The following GON4L variants were observed in gnomAD, a reference collection of about 807,000 sequenced individuals.
GON4L encodes the protein GON-4-like protein.
GON4L carries 87 observed loss-of-function variants against 211.8 expected under a neutral mutation model. That is an observed-to-expected ratio of 0.41 (90% CI 0.35 to 0.49). The LOEUF (loss-of-function observed/expected upper bound fraction) is 0.49. Ranked by LOEUF, GON4L falls within the 20% of genes least tolerant of loss-of-function variation. GON4L has a pLI of 0.15. For synonymous variants in GON4L, 875 were observed against 962.6 expected (o/e 0.91, Z 1.68); for missense variants, 2,155 against 2,659.5 (o/e 0.81, Z 4.17).
At chr1:155,848,646 G>A (rs1671473693) in intron 2 of GON4L, among the ~76,000 whole-genome samples, 1 of 152,074 alleles carries the variant, frequency 6.6e-6, no homozygotes, top group South Asian at 2.1e-4. Flanking sequence ...ATATATTTAT[G>A]GTTGTTTTCC....
rs561590658 is a variant in GON4L, at chr1:155,766,396, G to A, written c.3077C>T (p.Thr1026Ile). Residue 1026 changes from threonine (T) to isoleucine (I), a missense_variant, in exon 21 of 32, where the codon ACT (threonine) becomes ATT (isoleucine). This residue lies in a region of GON4L where 615 missense variants were observed against 625.7 expected (regional missense o/e 0.98). Transcript: ENST00000368331. Reference protein sequence around the residue: ...FNPGKTPARSTHSEAPPSKMV... With the variant: ...FNPGKTPARSIHSEAPPSKMV... Reference sequence around the variant, plus strand: ...TTTGCTCGGAGGGGCTTCTGAATGAGTTGATCGGGCTGGTGTTTTCCCAGG... The same window carrying A: ...TTTGCTCGGAGGGGCTTCTGAATGAATTGATCGGGCTGGTGTTTTCCCAGG... 12 of 1,614,196 alleles carry A rather than the reference G, an allele frequency of 7.4e-6. No individual in the cohort carries two copies. In the East Asian group the frequency reaches 1.8e-4, roughly 24 times the overall value.
chr1:155,790,936 CCTT>C (rs1217618152), intron 12 of GON4L, among the ~76,000 whole-genome samples: 1 of 149,760 alleles, frequency 6.7e-6, no homozygotes, highest in African/African-American at 2.5e-5. Context: ...GAGCGAGACT[CCTT>C]CTCAAAAAAA....
At position 155,822,168 on chromosome 1, in the gene GON4L, G is replaced by A. The variant is rs951237339; in HGVS notation, c.888+118C>T. ...GTAAAAATGTAAAATGTTCTGTCAC[G>A]GGTAACCCACAAAATCGGTAATTCA... On this transcript the variant is annotated intron_variant, in intron 4 of 31. Coordinates refer to ENST00000368331, the MANE Select transcript of GON4L (RefSeq NM_001282860.2). 17 of 848,178 alleles carry A rather than the reference G, an allele frequency of 2.0e-5. 1 individual carries two copies. The highest frequency in any genetic ancestry group is 3.3e-5 in the African/African-American group (2 of 60,376). 52.5% of individuals were successfully genotyped at this position (848,178 alleles called of 1,614,324 possible).
chr1:155,763,559 T>G lies in GON4L; in HGVS notation c.4479A>C (p.Thr1493=). ...ATGCCAGCCAAGTCAGTTTCTCCAT[T>G]GTTTCCTGTAAAACCCTCCAAAGAG... The part of the protein sequence containing the change: ...SVLSVPELQE[T]MEKLTWLASE... Residue 1493 remains threonine, a synonymous_variant, in exon 22 of 32, where the codon ACA becomes ACC. Coordinates refer to ENST00000368331, the MANE Select transcript of GON4L (RefSeq NM_001282860.2). 6.5e-7 allele frequency: 1 copy of G among 1,544,456 alleles called. No homozygotes were observed. Among genetic ancestry groups the G allele is most frequent in the South Asian group, 1.2e-5 (1 of 83,910 alleles).
chr1:155,817,061 C>A (rs1226675325), intron 6 of GON4L, among the ~76,000 whole-genome samples: 1 of 152,134 alleles, frequency 6.6e-6, no homozygotes, highest in Non-Finnish European at 1.5e-5. Flanking sequence ...ACAATCAGAG[C>A]TCACTGCAGC....
intron 2 of GON4L, among the ~76,000 whole-genome samples, chr1:155,831,115 G>A (rs1669719661): frequency 6.6e-6 from 1 of 152,020 alleles, no homozygotes; most frequent in Non-Finnish European, 1.5e-5. Context: ...CCTGGTTAAT[G>A]TGGTGAAACG....
chr1:155,797,462 T>C (rs1666180235), intron 11 of GON4L, among the ~76,000 whole-genome samples: 1 of 151,950 alleles, frequency 6.6e-6, no homozygotes, highest in African/African-American at 2.4e-5. Context: ...AGCATCTTTT[T>C]TTTTTTTCGA....
intron 14 of GON4L, among the ~76,000 whole-genome samples, chr1:155,781,229 G>A (rs930408222): frequency 1.3e-5 from 2 of 151,506 alleles, no homozygotes; most frequent in Admixed American, 6.6e-5. Context: ...TGCAACCTCT[G>A]CCTCCCAGGT....
At chr1:155,816,001 T>C (rs1668206440) in intron 7 of GON4L, 101 bp from the exon 8 acceptor site, 1 of 774,704 alleles carries the variant, frequency 1.3e-6, no homozygotes, top group Non-Finnish European at 2.3e-6. Context: ...AAAAAAATCC[T>C]AAGAGCATAA....
In GON4L at chr1:155,768,887, T is replaced by C. The variant is rs117172837; in HGVS notation, c.2647-1346A>G. Among the ~76,000 whole-genome samples, 6 of 152,366 alleles carry C rather than the reference T, an allele frequency of 3.9e-5. No individual in the cohort carries two copies. The East Asian group carries it at 1.2e-3, about 29-fold the overall frequency. On this transcript the variant is annotated intron_variant, in intron 19 of 31. Coordinates refer to ENST00000368331, the MANE Select transcript of GON4L (RefSeq NM_001282860.2). ...TCATCCGTGGTGCTAAGGCACTTGA[T>C]AAACCGTATTCTGCTGCAGAAAAAT... is the stretch of plus-strand genomic sequence containing the variant.
chr1:155,819,900 A>G (rs1256504526), intron 6 of GON4L, among the ~76,000 whole-genome samples: 1 of 152,006 alleles, frequency 6.6e-6, no homozygotes, highest in Non-Finnish European at 1.5e-5. Flanking sequence ...TGGGCTCAAA[A>G]GTATGGAGAT....
rs530819213 is a variant in GON4L, at chr1:155,784,134, T to G, written c.1789-45A>C. On this transcript the variant is annotated intron_variant, in intron 13 of 31. Coordinates refer to ENST00000368331, the MANE Select transcript of GON4L (RefSeq NM_001282860.2). ...AGGGTTTTCCTGGGGAATGGGCCTCTGAATGTTGCTCCAGTATTGGGAAGG... is the reference window on the plus strand; with the variant it reads ...AGGGTTTTCCTGGGGAATGGGCCTCGGAATGTTGCTCCAGTATTGGGAAGG... 8 of 1,606,586 alleles carry G rather than the reference T, an allele frequency of 5.0e-6. No homozygotes were observed. In the South Asian group the frequency reaches 6.6e-5, roughly 13 times the overall value.
chr1:155,815,937 G>A, intron 7 of GON4L, 37 bp from the exon 8 acceptor site: 1 of 1,208,564 alleles, frequency 8.3e-7, no homozygotes, highest in Middle Eastern at 1.9e-4. Flanking sequence ...GAAGTAATGG[G>A]AAACACAAAT....
At chr1:155,818,175 G>A (rs1668420005) in intron 6 of GON4L, among the ~76,000 whole-genome samples, 1 of 151,466 alleles carries the variant, frequency 6.6e-6, no homozygotes, top group African/African-American at 2.4e-5. Flanking sequence ...AGGCTGGAGT[G>A]CAGTGGCATG....
chr1:155,775,851 C>T (rs1041956806), intron 16 of GON4L, among the ~76,000 whole-genome samples: 6 of 152,184 alleles, frequency 3.9e-5, no homozygotes, highest in Non-Finnish European at 8.8e-5. Context: ...GTGGCGCGAT[C>T]TCAGCTCACT....
At chr1:155,807,115 A>G (rs939827161) in intron 10 of GON4L, among the ~76,000 whole-genome samples, 5 of 149,170 alleles carry the variant, frequency 3.4e-5, no homozygotes, top group Non-Finnish European at 5.9e-5. Flanking sequence ...AAACAGGGCC[A>G]GGCACAGAGG....
Position 155,784,556 on chromosome 1 carries a change from A to AT in GON4L, c.1789-468dup, listed in dbSNP as rs1469193140. On this transcript the variant is annotated intron_variant, in intron 13 of 31. Coordinates refer to ENST00000368331, the MANE Select transcript of GON4L (RefSeq NM_001282860.2). ...GCCCGCCACCATGCCTAATTTTTGTATTTTTAATAGAGACAGGGTTTCATC... is the reference window on the plus strand; with the variant it reads ...GCCCGCCACCATGCCTAATTTTTGTATTTTTTAATAGAGACAGGGTTTCATC... 3.8e-5 allele frequency: 7 copies of AT among 183,852 alleles called. No individual in the cohort carries two copies. In the East Asian group the frequency reaches 1.1e-3, roughly 28 times the overall value. 11.4% of individuals were successfully genotyped at this position (183,852 alleles called of 1,614,324 possible).
intron 2 of GON4L, among the ~76,000 whole-genome samples, chr1:155,837,090 T>C (rs1401273436): frequency 6.6e-6 from 1 of 152,158 alleles, no homozygotes; most frequent in African/African-American, 2.4e-5. Flanking sequence ...GCCGTTTCAT[T>C]TTTTTCCTTA....
chr1:155,764,775 G>A (rs1662254667), intron 21 of GON4L: 1 of 1,249,942 alleles, frequency 8.0e-7, no homozygotes, highest in Non-Finnish European at 1.2e-6. Context: ...GTATGGTCAG[G>A]TGATTCAATT....
Sources: gnomAD v4.1 joint callset for allele counts (sites outside exome capture counted in the v4.1 genomes callset) on GRCh38, gnomAD v4.1.1 for gene constraint, gnomAD v4.1.1 regional missense constraint, MANE v1.5 for transcripts, NCBI Gene and HGNC (gene_info 2026-07-23, HGNC 2026-07-21) for gene names.